The following AXDND1 variants were observed in gnomAD, a reference collection of about 807,000 sequenced individuals.
AXDND1 encodes axonemal dynein light chain domain containing 1.
A neutral mutation model predicts 137.5 loss-of-function variants in AXDND1; 110 were observed. That is an observed-to-expected ratio of 0.80 (90% CI 0.69 to 0.94). The LOEUF (loss-of-function observed/expected upper bound fraction) is 0.94. Ranked by LOEUF, AXDND1 falls within the 40% of genes least tolerant of loss-of-function variation. AXDND1 has a pLI of 0.00. For missense variants in AXDND1, 1,191 were observed against 1,169.8 expected, an observed-to-expected ratio of 1.02 and a Z score of -0.26; for synonymous variants, 414 against 399.7, an observed-to-expected ratio of 1.04 and a Z score of -0.43.
chr1:179,423,052 C>T (rs1656014064), intron 12 of AXDND1, among the ~76,000 whole-genome samples: 1 of 152,322 alleles, frequency 6.6e-6, no homozygotes, highest in Admixed American at 6.5e-5. Context: ...GTGTGAGCCA[C>T]TGTGCCTGGC....
At chr1:179,492,756 T>G in intron 19 of AXDND1, 99 bp from the exon 20 acceptor site, 1 of 742,210 alleles carries the variant, frequency 1.3e-6, no homozygotes, top group African/African-American at 1.8e-5. Context: ...GTCTGGATTT[T>G]TAAAATTTTA....
chr1:179,419,373 AGGCCAAGGCT>A (rs1655289166), intron 12 of AXDND1, among the ~76,000 whole-genome samples: 1 of 151,220 alleles, frequency 6.6e-6, no homozygotes, highest in South Asian at 2.1e-4. Context: ...GCACCTCGGG[AGGCCAAGGCT>A]GGCGGATCAC....
intron 20 of AXDND1, among the ~76,000 whole-genome samples, chr1:179,495,951 C>T (rs1224548116): frequency 3.8e-5 from 5 of 130,110 alleles, no homozygotes; most frequent in South Asian, 2.4e-4. Context: ...CAAATCCTTT[C>T]GCTGCATCTA....
rs941903281 is a variant in AXDND1, at chr1:179,423,940, G to A, written c.1231-5578G>A. Among the ~76,000 whole-genome samples the A allele has an allele frequency of 5.0e-5, 7 of 140,184 alleles. No individual in the cohort carries two copies. The Admixed American group carries it at 5.0e-4, about 10-fold the overall frequency. The allele number at this position is 140,184 out of a possible 152,430, so 92.0% of individuals were successfully genotyped here. On this transcript the variant is annotated intron_variant, in intron 12 of 25. Transcript: ENST00000367618. ...TGTCTGTGTAGATCATTTTACCAGT[G>A]GGTTTTATAGCTTCAAAGTTTTTTT...
In AXDND1 at chr1:179,483,359, A is replaced by G. The variant is rs531407195; in HGVS notation, c.2091+138A>G. On this transcript the variant is annotated intron_variant, in intron 18 of 25. Coordinates refer to ENST00000367618, the MANE Select transcript of AXDND1 (RefSeq NM_144696.6). ...TAGAAGCTTGTATAATAATTTCTCA[A>G]ATAATTTTCAATGGATTTTTTAAAG... The G allele has an allele frequency of 7.9e-6, 4 of 506,800 alleles. No individual in the cohort carries two copies. The East Asian group carries it at 1.3e-4, about 17-fold the overall frequency. The allele number at this position is 506,800 out of a possible 1,614,324, so 31.4% of individuals were successfully genotyped here. A position where few individuals can be genotyped will look rare whatever the true frequency, so the allele number is the denominator to read the frequency against.
chr1:179,533,962 C>A, intron 24 of AXDND1, 85 bp downstream of exon 24: 1 of 1,151,626 alleles, frequency 8.7e-7, no homozygotes. Context: ...TTTGGCTTCC[C>A]TTTGGCTCTC....
At chr1:179,380,997 T>G (rs72717539) in intron 6 of AXDND1, among the ~76,000 whole-genome samples, 6,799 of 151,768 alleles carry the variant, frequency 0.045, 226 homozygotes, top group Non-Finnish European at 0.069. Context: ...TAGTGTGTAT[T>G]TCCTAACAAC....
chr1:179,511,600 A>T (rs1280279403), intron 21 of AXDND1, among the ~76,000 whole-genome samples: 1 of 152,156 alleles, frequency 6.6e-6, no homozygotes, highest in Non-Finnish European at 1.5e-5. Flanking sequence ...GCTGGATCAA[A>T]TGGTAATTCT....
At chr1:179,382,087 T>C (rs917490316) in intron 6 of AXDND1, among the ~76,000 whole-genome samples, 8 of 150,908 alleles carry the variant, frequency 5.3e-5, no homozygotes, top group Non-Finnish European at 7.4e-5. Flanking sequence ...TTATTTTTAT[T>C]TTTTATTTTT....
intron 25 of AXDND1, among the ~76,000 whole-genome samples, chr1:179,536,643 C>T (rs897470008): frequency 3.3e-5 from 5 of 152,052 alleles, no homozygotes; most frequent in Non-Finnish European, 7.4e-5. Flanking sequence ...AGTCAGGTAG[C>T]GTGATGCCTC....
intron 4 of AXDND1, among the ~76,000 whole-genome samples, chr1:179,374,722 A>G (rs1668403165): frequency 6.6e-6 from 1 of 151,818 alleles, no homozygotes; most frequent in South Asian, 2.1e-4. Context: ...AACTATCACA[A>G]GGACAGAAAA....
At chr1:179,365,820 A>G (rs1361932332), upstream of AXDND1, 2 of 152,200 alleles carry the variant, frequency 1.3e-5, no homozygotes, top group African/African-American at 2.4e-5. Context: ...TACTGAACCT[A>G]TGCTGTGACT....
At chr1:179,445,692 C>G (rs1659641592) in intron 16 of AXDND1, among the ~76,000 whole-genome samples, 1 of 152,080 alleles carries the variant, frequency 6.6e-6, no homozygotes, top group Non-Finnish European at 1.5e-5. Context: ...AGTACTTCAC[C>G]CATTTTTATG....
At chr1:179,381,939 C>CCCGG (rs1648399229) in intron 6 of AXDND1, among the ~76,000 whole-genome samples, 1 of 120,648 alleles carries the variant, frequency 8.3e-6, no homozygotes, top group Non-Finnish European at 1.7e-5. Flanking sequence ...CGCCACCACA[C>CCCGG]CTAATTTTTT....
intron 22 of AXDND1, 90 bp from the exon 23 acceptor site, chr1:179,528,237 C>T: frequency 2.4e-6 from 2 of 838,842 alleles, no homozygotes; most frequent in African/African-American, 1.7e-5. Context: ...AAGCTTCCAA[C>T]ATGGTGCCAG....
chr1:179,548,909 G>A (rs1672907036), intron 25 of AXDND1: 1 of 152,162 alleles, frequency 6.6e-6, no homozygotes, highest in Non-Finnish European at 1.5e-5. Context: ...CCTTAAGCTA[G>A]CTGCTTGCAT....
chr1:179,408,099 CA>C (rs1653260114), intron 11 of AXDND1, among the ~76,000 whole-genome samples: 1 of 151,964 alleles, frequency 6.6e-6, no homozygotes, highest in African/African-American at 2.4e-5. Flanking sequence ...TCTTCAGTTC[CA>C]GGGTTTTTGT....
intron 25 of AXDND1, among the ~76,000 whole-genome samples, chr1:179,549,682 A>C (rs528682384): frequency 2.0e-5 from 3 of 152,118 alleles, no homozygotes; most frequent in African/African-American, 7.2e-5. Context: ...TCCTGAGATC[A>C]GGAACCGTCA....
intron 25 of AXDND1, 36 bp from the exon 26 acceptor site, chr1:179,554,476 A>G: frequency 6.2e-7 from 1 of 1,614,094 alleles, no homozygotes; most frequent in Middle Eastern, 1.7e-4. Flanking sequence ...TCCTACCCAC[A>G]TTTCTATTCT....
Sources: gnomAD v4.1 joint callset for allele counts (sites outside exome capture counted in the v4.1 genomes callset) on GRCh38, gnomAD v4.1.1 for gene constraint, MANE v1.5 for transcripts, NCBI Gene and HGNC (gene_info 2026-07-23, HGNC 2026-07-21) for gene names.